Variants in CNTN4 observed in about 807,000 individuals in gnomAD.
The protein encoded by CNTN4 is contactin 4, also known as contactin-4.
Under a neutral mutation model 122.5 loss-of-function variants are expected in CNTN4, and 77 were observed. That is an observed-to-expected ratio of 0.63 (90% CI 0.52 to 0.76). The LOEUF (loss-of-function observed/expected upper bound fraction) is 0.76, where lower values mean the gene tolerates loss of function less well. Among genes scored for constraint, CNTN4 ranks in the 30% least tolerant of loss-of-function variants. CNTN4 has a pLI of 0.00. For synonymous variants in CNTN4, 512 were observed against 447.0 expected (o/e 1.15, Z -1.83); for missense variants, 1,256 against 1,259.1 (o/e 1.00, Z 0.04).
At chr3:2,335,628 G>T (rs2043925611) in intron 2 of CNTN4, among the ~76,000 whole-genome samples, 1 of 150,388 alleles carries the variant, frequency 6.6e-6, no homozygotes, top group Non-Finnish European at 1.5e-5. Flanking sequence ...TATGAAATTG[G>T]GTATCTACCT....
chr3:2,726,669 C>T (rs2088248790), intron 4 of CNTN4, among the ~76,000 whole-genome samples: 1 of 152,156 alleles, frequency 6.6e-6, no homozygotes. Flanking sequence ...CAGTAATGCA[C>T]CTAAATATAA....
Position 2,574,157 on chromosome 3 carries a change from G to A in CNTN4, c.55+2599G>A, listed in dbSNP as rs377757854. ...CCTGAACCTGGGAGGCGGAGGTTGC[G>A]GTGAGCCGAGATCACGCCACTGCAC... On this transcript the variant is annotated intron_variant, in intron 4 of 24. Transcript: ENST00000418658. 7.9e-5 allele frequency among the ~76,000 whole-genome samples: 12 copies of A among 152,204 alleles called. 1 individual carries two copies. The East Asian group carries it at 9.7e-4, about 12-fold the overall frequency.
chr3:2,540,128 G>A (rs1351596887), intron 3 of CNTN4, among the ~76,000 whole-genome samples: 3 of 151,772 alleles, frequency 2.0e-5, no homozygotes, highest in Non-Finnish European at 2.9e-5. Context: ...TAACTAATAG[G>A]TGATATAAAA....
At chr3:2,726,747 A>G (rs1323394507) in intron 4 of CNTN4, among the ~76,000 whole-genome samples, 3 of 152,202 alleles carry the variant, frequency 2.0e-5, no homozygotes, top group Non-Finnish European at 2.9e-5. Flanking sequence ...TGATATTGTA[A>G]TGGTGGATCC....
At chr3:2,941,182 C>A (rs1278340924) in intron 13 of CNTN4, among the ~76,000 whole-genome samples, 1 of 152,152 alleles carries the variant, frequency 6.6e-6, no homozygotes, top group Non-Finnish European at 1.5e-5. Context: ...CCTGCTCTTT[C>A]TCTACATCAT....
chr3:2,207,241 G>A lies in CNTN4; in HGVS notation c.-145+106602G>A, dbSNP rs570102738. On this transcript the variant is annotated intron_variant, in intron 2 of 24. Transcript: ENST00000418658. ...GACACAATAATATTGAAATTAGGCC[G>A]ATTAATAACCCTCCAATGGCCTTGA... Among the ~76,000 whole-genome samples, 5 of 152,056 alleles carry A rather than the reference G, an allele frequency of 3.3e-5. 1 individual carries two copies. Among genetic ancestry groups the A allele is most frequent in the South Asian group, 4.2e-4 (2 of 4,818 alleles).
chr3:2,430,214 G>A (rs1466736950), intron 3 of CNTN4, among the ~76,000 whole-genome samples: 1 of 151,990 alleles, frequency 6.6e-6, no homozygotes, highest in Non-Finnish European at 1.5e-5. Context: ...ACGAGGTCAG[G>A]AGATTGAGAC....
At chr3:2,656,635 A>G (rs1465898450) in intron 4 of CNTN4, among the ~76,000 whole-genome samples, 1 of 152,228 alleles carries the variant, frequency 6.6e-6, no homozygotes, top group Non-Finnish European at 1.5e-5. Flanking sequence ...TAATGTGACA[A>G]TAAATTATTG....
chr3:2,738,292 G>A (rs555110469), intron 5 of CNTN4, among the ~76,000 whole-genome samples: 1 of 152,278 alleles, frequency 6.6e-6, no homozygotes, highest in South Asian at 2.1e-4. Flanking sequence ...CAAACTGGCA[G>A]CTGACTTCTC....
chr3:2,294,031 A>G (rs1222702787), intron 2 of CNTN4, among the ~76,000 whole-genome samples: 1 of 152,188 alleles, frequency 6.6e-6, no homozygotes, highest in Non-Finnish European at 1.5e-5. Context: ...TAGTGGAAGC[A>G]TTTGAACCAT....
intron 4 of CNTN4, among the ~76,000 whole-genome samples, chr3:2,589,843 C>T (rs1025147301): frequency 3.9e-5 from 6 of 152,226 alleles, no homozygotes; most frequent in East Asian, 3.9e-4. Flanking sequence ...TGAGTGTCCT[C>T]GTGACATGGC....
intron 6 of CNTN4, among the ~76,000 whole-genome samples, chr3:2,814,422 TAG>T (rs138620739): frequency 0.017 from 2,531 of 152,344 alleles, 73 homozygotes; most frequent in African/African-American, 0.056. Flanking sequence ...TGCTTCTTAA[TAG>T]AGTTGTTTCT....
intron 12 of CNTN4, among the ~76,000 whole-genome samples, chr3:2,906,856 A>G (rs903695440): frequency 6.6e-6 from 1 of 151,758 alleles, no homozygotes; most frequent in African/African-American, 2.4e-5. Context: ...AAAAAAAAAA[A>G]AAAGAAAAAG....
At chr3:3,001,143 C>CA (rs1278511999) in intron 14 of CNTN4, among the ~76,000 whole-genome samples, 1 of 152,114 alleles carries the variant, frequency 6.6e-6, no homozygotes, top group Non-Finnish European at 1.5e-5. Flanking sequence ...AATCAAATGT[C>CA]AGCTTTGCTA....
chr3:2,209,663 T>G (rs1575086906), intron 2 of CNTN4, among the ~76,000 whole-genome samples: 1 of 147,928 alleles, frequency 6.8e-6, no homozygotes, highest in South Asian at 2.1e-4. Context: ...ACAGCTGAGA[T>G]TTTGACTTTA....
At chr3:2,832,711 G>C (rs1220879654) in intron 7 of CNTN4, among the ~76,000 whole-genome samples, 1 of 152,090 alleles carries the variant, frequency 6.6e-6, no homozygotes. Context: ...CTCCATTTTT[G>C]TTCCTCAAAA....
At chr3:2,467,428 A>C (rs2075542671) in intron 3 of CNTN4, among the ~76,000 whole-genome samples, 2 of 152,152 alleles carry the variant, frequency 1.3e-5, no homozygotes, top group African/African-American at 2.4e-5. Flanking sequence ...AGCAAAATTG[A>C]GTTACATGTG....
At chr3:2,392,063 G>A (rs533350266) in intron 3 of CNTN4, among the ~76,000 whole-genome samples, 1 of 152,138 alleles carries the variant, frequency 6.6e-6, no homozygotes, top group African/African-American at 2.4e-5. Flanking sequence ...ATTGCACCCT[G>A]CTAAGCAGCG....
intron 3 of CNTN4, among the ~76,000 whole-genome samples, chr3:2,475,353 T>C (rs920056133): frequency 6.6e-6 from 1 of 152,196 alleles, no homozygotes; most frequent in African/African-American, 2.4e-5. Flanking sequence ...TTATAAACTC[T>C]GAGTTCTTAG....
Sources: gnomAD v4.1 joint callset for allele counts (sites outside exome capture counted in the v4.1 genomes callset) on GRCh38, gnomAD v4.1.1 for gene constraint, MANE v1.5 for transcripts, NCBI Gene and HGNC (gene_info 2026-07-23, HGNC 2026-07-21) for gene names.